Variants in GPR39 observed in about 807,000 individuals in gnomAD.
The protein encoded by GPR39 is zinc sensing receptor.
Under a neutral mutation model 18.4 loss-of-function variants are expected in GPR39, and 23 were observed. The observed-to-expected ratio is 1.25, with a 90% CI of 0.90 to 1.77. The LOEUF (loss-of-function observed/expected upper bound fraction) is 1.77, where lower values mean the gene tolerates loss of function less well. Ranked by LOEUF, GPR39 falls within the 40% of genes most tolerant of loss-of-function variation. The pLI is 0.00. For missense variants in GPR39, 647 were observed against 602.4 expected, an observed-to-expected ratio of 1.07 and a Z score of -0.78; for synonymous variants, 280 against 257.9, an observed-to-expected ratio of 1.09 and a Z score of -0.82.
At chr2:132,509,608 T>C (rs10210934) in intron 1 of GPR39, among the ~76,000 whole-genome samples, 63,557 of 152,108 alleles carry the variant, frequency 0.42, 14,539 homozygotes, top group Non-Finnish European at 0.51. Context: ...TGGATAGTTG[T>C]GACCTTGTGT....
intron 1 of GPR39, among the ~76,000 whole-genome samples, chr2:132,582,782 C>T (rs1680648350): frequency 6.6e-6 from 1 of 152,180 alleles, no homozygotes; most frequent in Non-Finnish European, 1.5e-5. Context: ...CCCTTTTTTA[C>T]CTCACTACCT....
intron 1 of GPR39, among the ~76,000 whole-genome samples, chr2:132,556,445 C>G (rs1184855452): frequency 6.6e-6 from 1 of 152,122 alleles, no homozygotes; most frequent in Admixed American, 6.5e-5. Flanking sequence ...ACATGCTGGC[C>G]CCAGTACACC....
At chr2:132,521,381 C>T (rs1037087299) in intron 1 of GPR39, among the ~76,000 whole-genome samples, 5 of 152,190 alleles carry the variant, frequency 3.3e-5, no homozygotes, top group African/African-American at 1.2e-4. Flanking sequence ...TTTTTCCTGG[C>T]ATTAACACTC....
intron 1 of GPR39, among the ~76,000 whole-genome samples, chr2:132,457,040 G>C (rs992243490): frequency 3.9e-5 from 6 of 152,186 alleles, no homozygotes; most frequent in African/African-American, 1.4e-4. Context: ...TGCTAGGTTG[G>C]AGAAGTTCTC....
Position 132,535,096 on chromosome 2 carries a change from G to A in GPR39, c.857-110005G>A, listed in dbSNP as rs565294308. On this transcript the variant is annotated intron_variant, in intron 1 of 1. Transcript: ENST00000329321. ...TTCTCTTGCCTGATTGCCCTAATGA[G>A]AACTTCCAGTACTATGTTGAGTAGG... Among the ~76,000 whole-genome samples the A allele has an allele frequency of 1.2e-3, 182 of 152,202 alleles. 1 individual carries two copies. Among genetic ancestry groups the A allele is most frequent in the Middle Eastern group, 3.4e-3 (1 of 294 alleles).
chr2:132,468,225 C>G (rs536696362), intron 1 of GPR39, among the ~76,000 whole-genome samples: 1 of 152,142 alleles, frequency 6.6e-6, no homozygotes, highest in South Asian at 2.1e-4. Flanking sequence ...TATATAAATG[C>G]AGATGCAACA....
intron 1 of GPR39, among the ~76,000 whole-genome samples, chr2:132,626,475 G>A (rs1463292991): frequency 6.6e-6 from 1 of 152,138 alleles, no homozygotes; most frequent in African/African-American, 2.4e-5. Context: ...ATCCAAAAAT[G>A]TCTCCCCTGA....
chr2:132,449,743 T>G (rs1680600858), intron 1 of GPR39, among the ~76,000 whole-genome samples: 1 of 152,194 alleles, frequency 6.6e-6, no homozygotes. Flanking sequence ...TAAGAGCTTT[T>G]CAGCAGGCCT....
At chr2:132,619,881 C>T (rs186552677) in intron 1 of GPR39, among the ~76,000 whole-genome samples, 94 of 151,886 alleles carry the variant, frequency 6.2e-4, no homozygotes, top group Admixed American at 2.6e-3. Flanking sequence ...TCTCCACACC[C>T]TACACCCCAC....
In GPR39 at chr2:132,417,299, G is replaced by A. The variant is rs867303881; in HGVS notation, c.257G>A (p.Gly86Asp). The A allele has an allele frequency of 6.2e-7, 1 of 1,614,154 alleles. No individual in the cohort carries two copies. Among genetic ancestry groups the A allele is most frequent in the South Asian group, 1.1e-5 (1 of 91,078 alleles). The change falls in exon 1 of 2, where the codon GGC becomes GAC. Residue 86 changes from glycine (G) to aspartate (D), a missense_variant. This residue lies in a region of GPR39 where 581 missense variants were observed against 506.8 expected (regional missense o/e 1.15). Coordinates refer to ENST00000329321, the MANE Select transcript of GPR39 (RefSeq NM_001508.3). ...ACSDILVFLI[G>D]MPMEFYSIIW... ...TCGGACATCTTGGTGTTCCTCATCG[G>A]CATGCCCATGGAGTTCTACAGCATC...
intron 1 of GPR39, among the ~76,000 whole-genome samples, chr2:132,476,829 T>C (rs1032507308): frequency 6.6e-6 from 1 of 152,150 alleles, no homozygotes; most frequent in Non-Finnish European, 1.5e-5. Context: ...GACAGGCTGT[T>C]ATTCCTTAGA....
chr2:132,615,936 CTTTTT>C (rs35978559), intron 1 of GPR39, among the ~76,000 whole-genome samples: 9 of 134,134 alleles, frequency 6.7e-5, no homozygotes, highest in African/African-American at 8.3e-5. Context: ...CATTCCAGCT[CTTTTT>C]TTTTTTTTTT....
At chr2:132,541,302 T>G (rs1679857166) in intron 1 of GPR39, among the ~76,000 whole-genome samples, 1 of 152,124 alleles carries the variant, frequency 6.6e-6, no homozygotes, top group Non-Finnish European at 1.5e-5. Flanking sequence ...CAGGCTGTTA[T>G]CGAACTCCTG....
At position 132,554,016 on chromosome 2, in the gene GPR39, G is replaced by A. The variant is rs146744295; in HGVS notation, c.857-91085G>A. ...GGAAGGCAACAGACCCCATGGAGAT[G>A]AGGCTGCTGTAGCCTCTACCTCCCT... On this transcript the variant is annotated intron_variant, in intron 1 of 1. Transcript: ENST00000329321. 8.9e-3 allele frequency among the ~76,000 whole-genome samples: 1,359 copies of A among 152,312 alleles called. 22 individuals are homozygous for A. Among genetic ancestry groups the A allele is most frequent in the African/African-American group, 0.031 (1,297 of 41,566 alleles).
rs1680077958 is a variant in GPR39 at position 132,553,083 on chromosome 2, G to T, written c.857-92018G>T. Among the ~76,000 whole-genome samples the T allele has an allele frequency of 4.0e-5, 6 of 151,216 alleles. No individual in the cohort carries two copies. In the South Asian group the frequency reaches 1.3e-3, roughly 32 times the overall value. The stretch of plus-strand genomic sequence containing the variant: ...TTGGATTACAGGTGTGCACCACCAT[G>T]CCTGGCTAATTTTTGTATTTTTAGT... On this transcript the variant is annotated intron_variant, in intron 1 of 1. Transcript: ENST00000329321.
At chr2:132,438,328 C>G (rs1378691209) in intron 1 of GPR39, among the ~76,000 whole-genome samples, 1 of 152,100 alleles carries the variant, frequency 6.6e-6, no homozygotes, top group East Asian at 1.9e-4. Flanking sequence ...GAGACAAGAT[C>G]TTGCTATGTT....
chr2:132,545,824 G>A (rs1002772463), intron 1 of GPR39, among the ~76,000 whole-genome samples: 1 of 152,164 alleles, frequency 6.6e-6, no homozygotes, highest in Non-Finnish European at 1.5e-5. Flanking sequence ...GCTCCCAGGT[G>A]ATGCAGATAA....
chr2:132,447,833 A>G (rs1378924556), intron 1 of GPR39, among the ~76,000 whole-genome samples: 1 of 152,198 alleles, frequency 6.6e-6, no homozygotes, highest in East Asian at 1.9e-4. Context: ...CCTTTTGTCA[A>G]ATTCTGACTC....
At chr2:132,532,268 C>A (rs960252502) in intron 1 of GPR39, among the ~76,000 whole-genome samples, 7 of 152,138 alleles carry the variant, frequency 4.6e-5, no homozygotes, top group African/African-American at 1.7e-4. Flanking sequence ...TTTCTCGACA[C>A]ATACACCCTC....
Sources: gnomAD v4.1 joint callset for allele counts (sites outside exome capture counted in the v4.1 genomes callset) on GRCh38, gnomAD v4.1.1 for gene constraint, gnomAD v4.1.1 regional missense constraint, MANE v1.5 for transcripts, NCBI Gene and HGNC (gene_info 2026-07-23, HGNC 2026-07-21) for gene names.